ARHGAP12: variants seen among roughly 807,000 people sequenced by gnomAD.
ARHGAP12 encodes rho GTPase-activating protein 12.
A neutral mutation model predicts 108.6 loss-of-function variants in ARHGAP12; 64 were observed. The ratio of observed to expected loss-of-function variants is 0.59; its 90% CI spans 0.48 to 0.73. ARHGAP12 has a LOEUF of 0.73. Among genes scored for constraint, ARHGAP12 ranks in the 30% least tolerant of loss-of-function variants. The pLI is 0.00. For synonymous variants in ARHGAP12, 312 were observed against 337.2 expected (o/e 0.93, Z 0.82); for missense variants, 940 against 1,005.9 (o/e 0.93, Z 0.89).
chr10:31,835,617 T>C (rs1470813130), intron 9 of ARHGAP12, among the ~76,000 whole-genome samples: 1 of 152,230 alleles, frequency 6.6e-6, no homozygotes, highest in Non-Finnish European at 1.5e-5. Flanking sequence ...GTAAAGTAGG[T>C]ACTTCTCAAT....
chr10:31,859,720 G>A (rs967794324), intron 4 of ARHGAP12, among the ~76,000 whole-genome samples: 10 of 150,942 alleles, frequency 6.6e-5, no homozygotes, highest in African/African-American at 1.2e-4. Context: ...CTCTAAAATT[G>A]TTAAATTTTA....
chr10:31,924,832 A>G (rs893973522), intron 1 of ARHGAP12, among the ~76,000 whole-genome samples: 4 of 152,150 alleles, frequency 2.6e-5, no homozygotes, highest in Admixed American at 2.6e-4. Context: ...ACTTGCCTGT[A>G]AAACAAAGCA....
chr10:31,905,100 G>T (rs1839073744), intron 3 of ARHGAP12, among the ~76,000 whole-genome samples: 1 of 151,590 alleles, frequency 6.6e-6, no homozygotes, highest in Admixed American at 6.6e-5. Flanking sequence ...ACTGGTTACA[G>T]AATATATACA....
At chr10:31,888,049 T>C (rs1357223353) in intron 3 of ARHGAP12, among the ~76,000 whole-genome samples, 3 of 152,166 alleles carry the variant, frequency 2.0e-5, no homozygotes, top group Admixed American at 1.3e-4. Context: ...TAAGTTTGGA[T>C]GCTCTATTCC....
chr10:31,855,305 C>T (rs1358976204), intron 4 of ARHGAP12, among the ~76,000 whole-genome samples: 1 of 152,182 alleles, frequency 6.6e-6, no homozygotes, highest in Non-Finnish European at 1.5e-5. Flanking sequence ...GCTTTCTGCA[C>T]TTAAAAGTCA....
intron 3 of ARHGAP12, among the ~76,000 whole-genome samples, chr10:31,888,630 GGTCT>G (rs1838276155): frequency 6.6e-6 from 1 of 152,154 alleles, no homozygotes; most frequent in Admixed American, 6.5e-5. Context: ...CCTGGACTTT[GGTCT>G]CATGGGCCTA....
intron 6 of ARHGAP12, among the ~76,000 whole-genome samples, chr10:31,847,195 C>T (rs1836494515): frequency 6.6e-6 from 1 of 152,060 alleles, no homozygotes; most frequent in South Asian, 2.1e-4. Context: ...ATTCATTCAT[C>T]CCTGTCATCT....
intron 4 of ARHGAP12, among the ~76,000 whole-genome samples, chr10:31,860,781 T>TA (rs1837083623): frequency 6.6e-6 from 1 of 152,176 alleles, no homozygotes; most frequent in African/African-American, 2.4e-5. Context: ...TATTTTTTTC[T>TA]AAAAAATGTC....
In ARHGAP12 at chr10:31,885,015, A is replaced by C. The variant is rs138137940; in HGVS notation, c.684+23157T>G. Reference sequence around the variant, plus strand: ...TTTATAGAGTACATGAGATGTTTTGATACAGGTGTACAATGTAAAATAAGC... The same window carrying C: ...TTTATAGAGTACATGAGATGTTTTGCTACAGGTGTACAATGTAAAATAAGC... On this transcript the variant is annotated intron_variant, in intron 3 of 19. Coordinates refer to ENST00000344936, the MANE Select transcript of ARHGAP12 (RefSeq NM_018287.7). Among the ~76,000 whole-genome samples the C allele has an allele frequency of 6.8e-3, 1,041 of 152,202 alleles. 4 individuals are homozygous for C. Among genetic ancestry groups the C allele is most frequent in the Non-Finnish European group, 0.011 (733 of 68,008 alleles).
chr10:31,898,873 A>G (rs1592356529), intron 3 of ARHGAP12, among the ~76,000 whole-genome samples: 1 of 152,178 alleles, frequency 6.6e-6, no homozygotes, highest in African/African-American at 2.4e-5. Flanking sequence ...ACAAAAAAAA[A>G]CACGTCCACA....
At chr10:31,886,419 C>A (rs1034974113) in intron 3 of ARHGAP12, among the ~76,000 whole-genome samples, 2 of 152,044 alleles carry the variant, frequency 1.3e-5, no homozygotes, top group East Asian at 3.9e-4. Context: ...GATACCCAAG[C>A]CAAATGACAC....
At chr10:31,922,033 T>G (rs951900440) in intron 1 of ARHGAP12, among the ~76,000 whole-genome samples, 1 of 149,906 alleles carries the variant, frequency 6.7e-6, no homozygotes, top group Admixed American at 6.6e-5. Context: ...CTACCAAAAA[T>G]ACAAAAAATT....
chr10:31,844,995 C>T (rs2132243304), intron 6 of ARHGAP12, among the ~76,000 whole-genome samples: 1 of 152,198 alleles, frequency 6.6e-6, no homozygotes, highest in Admixed American at 6.5e-5. Flanking sequence ...AAAATTCAGC[C>T]TCCCAATCCA....
chr10:31,896,493 A>T (rs1273442091), intron 3 of ARHGAP12, among the ~76,000 whole-genome samples: 1 of 152,118 alleles, frequency 6.6e-6, no homozygotes, highest in Admixed American at 6.6e-5. Context: ...TCAGCCTCAT[A>T]GAGAAAAGTC....
chr10:31,898,405 A>T (rs1210217829), intron 3 of ARHGAP12, among the ~76,000 whole-genome samples: 1 of 152,190 alleles, frequency 6.6e-6, no homozygotes, highest in East Asian at 1.9e-4. Context: ...AAAAAGCCAG[A>T]TAATAAAAAG....
At chr10:31,846,619 G>A (rs904852276) in intron 6 of ARHGAP12, among the ~76,000 whole-genome samples, 1 of 152,130 alleles carries the variant, frequency 6.6e-6, no homozygotes, top group Non-Finnish European at 1.5e-5. Context: ...TTGTTTCACT[G>A]AAGGGCTTTC....
chr10:31,807,506 A>ATCTCGACTCTCCCCT lies in ARHGAP12; in HGVS notation c.*137_*151dup. 1.7e-6 allele frequency: 1 copy of ATCTCGACTCTCCCCT among 600,660 alleles called. No individual in the cohort carries two copies. Among genetic ancestry groups the ATCTCGACTCTCCCCT allele is most frequent in the South Asian group, 2.9e-5 (1 of 34,940 alleles). The allele number at this position is 600,660 out of a possible 1,614,324, so 37.2% of individuals were successfully genotyped here. A position where few individuals can be genotyped will look rare whatever the true frequency, so the allele number is the denominator to read the frequency against. ...CAGCAAATATGAGGGCCTAACACAC[A>ATCTCGACTCTCCCCT]TCTCGACTCTCCCCTTCCCTTCTGA... is the stretch of plus-strand genomic sequence containing the variant. On this transcript the variant is annotated 3_prime_UTR_variant, in exon 20 of 20. Transcript: ENST00000344936.
chr10:31,866,620 C>CT (rs938882667), intron 3 of ARHGAP12, among the ~76,000 whole-genome samples: 161 of 146,712 alleles, frequency 1.1e-3, no homozygotes, highest in African/African-American at 1.5e-3. Flanking sequence ...GAAATGCTCC[C>CT]TTTTTTTTTT....
chr10:31,847,968 G>C (rs754548172), intron 6 of ARHGAP12, among the ~76,000 whole-genome samples: 1 of 152,150 alleles, frequency 6.6e-6, no homozygotes, highest in Non-Finnish European at 1.5e-5. Context: ...TTTCTGGGTT[G>C]GCTAAAAACT....
Sources: gnomAD v4.1 joint callset for allele counts (sites outside exome capture counted in the v4.1 genomes callset) on GRCh38, gnomAD v4.1.1 for gene constraint, MANE v1.5 for transcripts, NCBI Gene and HGNC (gene_info 2026-07-23, HGNC 2026-07-21) for gene names.